The following PRP4K variants were observed in gnomAD, a reference collection of about 807,000 sequenced individuals.
The protein encoded by PRP4K is pre-mRNA processing factor kinase PRP4K, also known as serine/threonine-protein kinase PRP4 homolog.
the PRP4K span, chr6:4,057,069 T>G: frequency 6.2e-7 from 1 of 1,605,238 alleles, no homozygotes; most frequent in Non-Finnish European, 8.5e-7. Flanking sequence ...GGTATAGATA[T>G]GTGGTCTGTA....
chr6:4,055,162 A>G, the PRP4K span, among the ~76,000 whole-genome samples: 2 of 152,316 alleles, frequency 1.3e-5, no homozygotes, highest in South Asian at 2.1e-4. Flanking sequence ...TGAAGTGCAT[A>G]TGAGTATGGA....
chr6:4,053,237 A>T, the PRP4K span, among the ~76,000 whole-genome samples: 1 of 152,178 alleles, frequency 6.6e-6, no homozygotes. Context: ...TCTGTTTGCT[A>T]ATTTTATAGC....
At chr6:4,030,852 A>G in the PRP4K span, among the ~76,000 whole-genome samples, 1 of 152,200 alleles carries the variant, frequency 6.6e-6, no homozygotes, top group Non-Finnish European at 1.5e-5. Flanking sequence ...ACAAGCCTAG[A>G]GTCCTAACTT....
chr6:4,040,271 A>G, the PRP4K span, among the ~76,000 whole-genome samples: 3 of 152,062 alleles, frequency 2.0e-5, no homozygotes, highest in Non-Finnish European at 4.4e-5. Flanking sequence ...TAACTTACAT[A>G]AAGTAAAATG....
At chr6:4,058,579 A>G in the PRP4K span, 2 of 657,932 alleles carry the variant, frequency 3.0e-6, no homozygotes. Context: ...CAAAGATGTT[A>G]ATGAATTCCT....
the PRP4K span, chr6:4,021,383 C>A: frequency 1.9e-6 from 3 of 1,558,796 alleles, no homozygotes; most frequent in Non-Finnish European, 2.6e-6. Flanking sequence ...CTCCACCGTC[C>A]GGGAGCCGCC....
At chr6:4,042,592 A>C in the PRP4K span, 2 of 1,566,032 alleles carry the variant, frequency 1.3e-6, no homozygotes, top group Non-Finnish European at 1.7e-6. Flanking sequence ...ATGAAAAATA[A>C]CCATTATTGT....
At chr6:4,047,825 CT>C in the PRP4K span, among the ~76,000 whole-genome samples, 1 of 150,566 alleles carries the variant, frequency 6.6e-6, no homozygotes, top group African/African-American at 2.4e-5. Flanking sequence ...AATAAGAGGC[CT>C]TCATAAGAGG....
the PRP4K span, among the ~76,000 whole-genome samples, chr6:4,022,613 C>T: frequency 1.3e-5 from 2 of 152,120 alleles, no homozygotes; most frequent in Non-Finnish European, 2.9e-5. Context: ...GCTGTGCATC[C>T]AGTTTTGGGC....
chr6:4,060,284 ACT>A, the PRP4K span: 1 of 806,806 alleles, frequency 1.2e-6, no homozygotes, highest in African/African-American at 1.7e-5. This position sits in a 1 kb window ranked among gnomAD's most constrained non-coding sequence, Gnocchi z 4.7. Context: ...CAAAATGTGC[ACT>A]GTGTGTATAT....
the PRP4K span, among the ~76,000 whole-genome samples, chr6:4,022,190 A>G: frequency 1.1e-5 from 1 of 95,130 alleles, no homozygotes; most frequent in Admixed American, 1.4e-4. Flanking sequence ...TGAGTTTATA[A>G]CCCTTCTTTA....
At chr6:4,034,886 T>C in the PRP4K span, among the ~76,000 whole-genome samples, 4 of 151,616 alleles carry the variant, frequency 2.6e-5, no homozygotes, top group African/African-American at 7.3e-5. Flanking sequence ...CTAATTTTTG[T>C]ATTTTTAGTA....
chr6:4,052,822 C>T, the PRP4K span: 1 of 1,612,808 alleles, frequency 6.2e-7, no homozygotes, highest in Non-Finnish European at 8.5e-7. Flanking sequence ...CATTGAAACT[C>T]CTTAAAAGAT....
chr6:4,063,729 ACT>A, the PRP4K span: 13 of 151,928 alleles, frequency 8.6e-5, no homozygotes, highest in African/African-American at 2.7e-4. Flanking sequence ...ATTTTCCTAC[ACT>A]CTGTAATTTT....
chr6:4,061,993 T>C, the PRP4K span: 3 of 152,666 alleles, frequency 2.0e-5, no homozygotes, highest in Non-Finnish European at 4.4e-5. Flanking sequence ...TTTGTTTTTT[T>C]CCTGAAAGTT....
the PRP4K span, among the ~76,000 whole-genome samples, chr6:4,036,933 C>G: frequency 6.7e-5 from 10 of 148,462 alleles, no homozygotes; most frequent in Admixed American, 2.7e-4. Context: ...CTGCAGTGAC[C>G]CGTGTTTGCG....
At chr6:4,026,127 G>A in the PRP4K span, among the ~76,000 whole-genome samples, 7 of 151,880 alleles carry the variant, frequency 4.6e-5, no homozygotes, top group Admixed American at 4.6e-4. Flanking sequence ...TCAGCCTCCC[G>A]AGTAGCTGGG....
At chr6:4,032,335 A>G in the PRP4K span, 3 of 1,613,930 alleles carry the variant, frequency 1.9e-6, no homozygotes, top group African/African-American at 4.0e-5. Flanking sequence ...AAATCAAAAG[A>G]TAGGAAAAAA....
chr6:4,029,751 A>G, the PRP4K span, among the ~76,000 whole-genome samples: 1 of 152,096 alleles, frequency 6.6e-6, no homozygotes, highest in Non-Finnish European at 1.5e-5. Flanking sequence ...GTGATCTACA[A>G]AACAGTGTCC....
Sources: gnomAD v4.1 joint callset for allele counts (sites outside exome capture counted in the v4.1 genomes callset) on GRCh38, gnomAD v4.1.1 for gene constraint, Gnocchi (gnomAD v3.1) non-coding constraint, MANE v1.5 for transcripts, NCBI Gene and HGNC (gene_info 2026-07-23, HGNC 2026-07-21) for gene names.